ZC3H12B: variants seen among roughly 807,000 people sequenced by gnomAD.
The protein encoded by ZC3H12B is probable ribonuclease ZC3H12B.
ZC3H12B carries 7 observed loss-of-function variants against 43.9 expected under a neutral mutation model. The observed-to-expected ratio is 0.16, with a 90% CI of 0.09 to 0.30. The LOEUF (loss-of-function observed/expected upper bound fraction) is 0.30. Among genes scored for constraint, ZC3H12B ranks in the 10% least tolerant of loss-of-function variants. The pLI is 1.00. For synonymous variants in ZC3H12B, 222 were observed against 241.7 expected, an observed-to-expected ratio of 0.92 and a Z score of 0.76; for missense variants, 475 against 670.2, an observed-to-expected ratio of 0.71 and a Z score of 3.22.
intron 3 of ZC3H12B, among the ~76,000 whole-genome samples, chrX:65,401,796 G>T (rs756190462): frequency 9.0e-6 from 1 of 111,601 alleles, no homozygotes; most frequent in African/African-American, 3.3e-5. Flanking sequence ...CCCATTTCAG[G>T]CTCTAGTTTC....
the ZC3H12B span, among the ~76,000 whole-genome samples, chrX:65,284,944 A>C: frequency 9.0e-6 from 1 of 111,462 alleles, no homozygotes; most frequent in Admixed American, 9.5e-5. Flanking sequence ...ATTAAATAAA[A>C]ATAAATGAAA....
chrX:65,052,770 G>A, the ZC3H12B span, among the ~76,000 whole-genome samples: 20 of 111,455 alleles, frequency 1.8e-4, no homozygotes, highest in African/African-American at 4.9e-4. Context: ...TTGACATACC[G>A]ATTTCATTTC....
chrX:65,366,011 A>AAT (rs761944425), upstream of ZC3H12B, among the ~76,000 whole-genome samples: 1 of 110,939 alleles, frequency 9.0e-6, no homozygotes, highest in Non-Finnish European at 1.9e-5. Flanking sequence ...TTCACCAAAG[A>AAT]ATATATATAT....
chrX:65,228,425 T>A, the ZC3H12B span, among the ~76,000 whole-genome samples: 49 of 111,426 alleles, frequency 4.4e-4, no homozygotes, highest in Non-Finnish European at 8.3e-4. Context: ...ACAGCCAATA[T>A]CATACTGAAT....
the ZC3H12B span, among the ~76,000 whole-genome samples, chrX:65,304,570 C>T: frequency 9.4e-6 from 1 of 106,844 alleles, no homozygotes; most frequent in African/African-American, 3.4e-5. Flanking sequence ...GAGCCAAGAT[C>T]GCTCCACTGC....
At chrX:65,249,883 A>C in the ZC3H12B span, among the ~76,000 whole-genome samples, 2 of 101,434 alleles carry the variant, frequency 2.0e-5, no homozygotes, top group African/African-American at 7.2e-5. Flanking sequence ...GTTGGTGTAT[A>C]GAAGAGCTAC....
the ZC3H12B span, among the ~76,000 whole-genome samples, chrX:65,189,502 G>A: frequency 1.8e-5 from 2 of 108,745 alleles, no homozygotes; most frequent in African/African-American, 6.8e-5. Flanking sequence ...AATGGTGTGA[G>A]ATGGTATCTC....
At chrX:65,120,472 G>A in the ZC3H12B span, among the ~76,000 whole-genome samples, 1 of 111,516 alleles carries the variant, frequency 9.0e-6, no homozygotes, top group Non-Finnish European at 1.9e-5. Flanking sequence ...GTGTAATAAT[G>A]CTTCTGATTT....
chrX:65,323,988 T>C, the ZC3H12B span, among the ~76,000 whole-genome samples: 1 of 112,433 alleles, frequency 8.9e-6, no homozygotes, highest in Non-Finnish European at 1.9e-5. Flanking sequence ...CGCATAGATG[T>C]TGTCTTTTGA....
At chrX:65,411,587 G>A (rs1388491797) in intron 3 of ZC3H12B, among the ~76,000 whole-genome samples, 8 of 110,103 alleles carry the variant, frequency 7.3e-5, no homozygotes, top group African/African-American at 1.3e-4. Context: ...TTAGCTGGGC[G>A]TGGTGGCACA....
chrX:65,224,669 C>T, the ZC3H12B span, among the ~76,000 whole-genome samples: 18 of 111,943 alleles, frequency 1.6e-4, no homozygotes, highest in Non-Finnish European at 3.2e-4. Context: ...TCACTCCCAC[C>T]CTGATACTGC....
the ZC3H12B span, among the ~76,000 whole-genome samples, chrX:65,153,294 G>A: frequency 2.7e-5 from 3 of 111,663 alleles, no homozygotes; most frequent in African/African-American, 9.7e-5. Flanking sequence ...GAGTGAACAG[G>A]CAACCTACAG....
At chrX:65,103,973 CA>C in the ZC3H12B span, among the ~76,000 whole-genome samples, 1 of 111,533 alleles carries the variant, frequency 9.0e-6, no homozygotes, top group Admixed American at 9.5e-5. Context: ...CAATCCTAAG[CA>C]AAAAGAACAA....
At chrX:65,129,272 T>C in the ZC3H12B span, among the ~76,000 whole-genome samples, 7 of 92,540 alleles carry the variant, frequency 7.6e-5, no homozygotes, top group East Asian at 2.9e-4. Flanking sequence ...TATATATATA[T>C]ACATATATAC....
chrX:65,075,002 G>T, the ZC3H12B span, among the ~76,000 whole-genome samples: 1 of 111,451 alleles, frequency 9.0e-6, no homozygotes, highest in South Asian at 3.7e-4. Context: ...TTGTTTCTTT[G>T]CTTGCTTTGT....
At chrX:65,213,492 A>C in the ZC3H12B span, among the ~76,000 whole-genome samples, 3 of 110,894 alleles carry the variant, frequency 2.7e-5, no homozygotes, top group African/African-American at 6.5e-5. Flanking sequence ...TCAGATTTTG[A>C]GGATTTTGAA....
At chrX:65,380,521 C>T (rs892993551) in intron 2 of ZC3H12B, among the ~76,000 whole-genome samples, 2 of 111,665 alleles carry the variant, frequency 1.8e-5, no homozygotes, top group Non-Finnish European at 3.8e-5. Context: ...ATGTAAAGAC[C>T]ATCAAGACTA....
At chrX:65,374,599 C>T (rs1477395203) in intron 2 of ZC3H12B, among the ~76,000 whole-genome samples, 3 of 110,105 alleles carry the variant, frequency 2.7e-5, no homozygotes, top group Non-Finnish European at 5.7e-5. Flanking sequence ...CAGGTGAGCA[C>T]TCATAGTATT....
chrX:65,052,971 T>G, the ZC3H12B span, among the ~76,000 whole-genome samples: 1 of 111,845 alleles, frequency 8.9e-6, no homozygotes, highest in South Asian at 3.7e-4. Context: ...TATAAGCCAT[T>G]TTAACTGGAG....
Sources: gnomAD v4.1 joint callset for allele counts (sites outside exome capture counted in the v4.1 genomes callset) on GRCh38, gnomAD v4.1.1 for gene constraint, MANE v1.5 for transcripts, NCBI Gene and HGNC (gene_info 2026-07-23, HGNC 2026-07-21) for gene names.